Variants in DENND4B observed in about 807,000 individuals in gnomAD.
The protein encoded by DENND4B is DENN domain-containing protein 4B.
A neutral mutation model predicts 161.0 loss-of-function variants in DENND4B; 67 were observed. The observed-to-expected ratio is 0.42, with a 90% confidence interval of 0.34 to 0.51. The LOEUF (loss-of-function observed/expected upper bound fraction) is 0.51, where lower values mean the gene tolerates loss of function less well. DENND4B is among the 20% of genes least tolerant of loss of function. DENND4B has a pLI of 0.08. For missense variants in DENND4B, 1,481 were observed against 1,968.0 expected, an observed-to-expected ratio of 0.75 and a Z score of 4.68; for synonymous variants, 753 against 813.8, an observed-to-expected ratio of 0.93 and a Z score of 1.27.
intron 1 of DENND4B, chr1:153,945,268 G>T (rs1679897299): frequency 2.3e-6 from 2 of 887,864 alleles, no homozygotes; most frequent in African/African-American, 1.8e-5. Context: ...CTTCAGAGGG[G>T]AAGGGAGGTT....
Position 153,941,921 on chromosome 1 carries a change from T to C in DENND4B, c.1003A>G (p.Thr335Ala). Reference sequence around the variant, plus strand: ...GAGACGGAGTAGCGGTAAAGGAAGGTGAGGAAGGCGCGGAAGGCAGGGAAG... The same window carrying C: ...GAGACGGAGTAGCGGTAAAGGAAGGCGAGGAAGGCGCGGAAGGCAGGGAAG... ...PAFPAFRAFL[T>A]FLYRYSVSGP... Residue 335 changes from threonine to alanine, a missense_variant, in exon 6 of 28, where the codon ACC becomes GCC. By Grantham distance (58) the Thr-to-Ala change is moderately conservative. Around this residue, in one of 3 missense-constraint regions of DENND4B, gnomAD observed 806 missense variants for 1,134.4 expected, o/e 0.71. Transcript: ENST00000361217. 6.2e-7 allele frequency: 1 copy of C among 1,611,756 alleles called. No individual in the cohort carries two copies. Among genetic ancestry groups the C allele is most frequent in the Non-Finnish European group, 8.5e-7 (1 of 1,179,704 alleles).
chr1:153,941,785 C>T lies in DENND4B; in HGVS notation c.1055+84G>A. ...CTTACCCTGTGCCCAGCCCTCCCCC[C>T]ACCCACATCTGAATCTCTCCCATCT... On this transcript the variant is annotated intron_variant, in intron 6 of 27. Transcript: ENST00000361217. 9.5e-6 allele frequency: 11 copies of T among 1,156,152 alleles called. 1 individual carries two copies. The highest frequency in any genetic ancestry group is 6.8e-5 in the South Asian group (5 of 73,814). The allele number at this position is 1,156,152 out of a possible 1,614,324, so 71.6% of individuals were successfully genotyped here. A position where few individuals can be genotyped will look rare whatever the true frequency, so the allele number is the denominator to read the frequency against.
At chr1:153,938,822 G>C in intron 13 of DENND4B, 78 bp downstream of exon 13, 1 of 1,498,516 alleles carries the variant, frequency 6.7e-7, no homozygotes, top group Admixed American at 2.0e-5. Context: ...GCCCGATTCC[G>C]TCTAAAATGG....
chr1:153,945,553 GACACACAC>G (rs35616374), intron 1 of DENND4B, among the ~76,000 whole-genome samples: 4 of 149,808 alleles, frequency 2.7e-5, no homozygotes, highest in Admixed American at 1.3e-4. Context: ...CTGGCCTCTG[GACACACAC>G]ACACACACAC....
chr1:153,942,889 T>G lies in DENND4B; in HGVS notation c.559A>C (p.Asn187His). ...HTYCRLPRNL[N>H]PGMWGPAVYL... ...TTGGCCCCACTCACCATGCCAGGGTTGAGGTTGCGGGGCAGCCGGCAGTAA... is the reference window on the plus strand; with the variant it reads ...TTGGCCCCACTCACCATGCCAGGGTGGAGGTTGCGGGGCAGCCGGCAGTAA... Residue 187 changes from asparagine (N) to histidine (H), a missense_variant, in exon 3 of 28, where the codon AAC (asparagine) becomes CAC (histidine). Asn to His is a moderately conservative substitution (Grantham distance 68). Around this residue, in one of 3 missense-constraint regions of DENND4B, gnomAD observed 806 missense variants for 1,134.4 expected, o/e 0.71. Transcript: ENST00000361217. This position sits in a 1 kb window ranked among gnomAD's most constrained non-coding sequence, Gnocchi z 6.9. The G allele has an allele frequency of 1.9e-6, 3 of 1,599,528 alleles. No individual in the cohort carries two copies. Among genetic ancestry groups the G allele is most frequent in the East Asian group, 2.2e-5 (1 of 44,456 alleles).
In DENND4B at chr1:153,940,369, C is replaced by T. The variant is rs1416820522; in HGVS notation, c.1502+62G>A. On this transcript the variant is annotated intron_variant, in intron 10 of 27. Transcript: ENST00000361217. This position sits in a 1 kb window ranked among gnomAD's most constrained non-coding sequence, Gnocchi z 5.6. ...AAGCTCTTTTTGAGCCCGTAGCACT[C>T]CACACACTAGCCCATTCCTGCCCAC... 4.4e-5 allele frequency: 69 copies of T among 1,585,416 alleles called. No individual in the cohort carries two copies. In the Middle Eastern group the frequency reaches 7.8e-4, roughly 18 times the overall value.
chr1:153,941,252 A>G lies in DENND4B; in HGVS notation c.1160T>C (p.Val387Ala), dbSNP rs1679648686. 3 of 1,613,794 alleles carry G rather than the reference A, an allele frequency of 1.9e-6. No homozygotes were observed. Among genetic ancestry groups the G allele is most frequent in the Non-Finnish European group, 2.5e-6 (3 of 1,179,852 alleles). The change falls in exon 8 of 28, where the codon GTA (valine) becomes GCA (alanine). Residue 387 changes from valine to alanine, a missense_variant. Around this residue, in one of 3 missense-constraint regions of DENND4B, gnomAD observed 806 missense variants for 1,134.4 expected, o/e 0.71. Coordinates refer to ENST00000361217, the MANE Select transcript of DENND4B (RefSeq NM_014856.3). ...ATACCTGAGGGGCAGGGGTGAGGAT[A>G]CAGGCTGACAGAGGAGCAAGTTGTC... The part of the protein sequence containing the change: ...PYDNLLLCQP[V>A]SSPLPLSGAS...
rs908142931 is a variant in DENND4B at position 153,930,061 on chromosome 1, T to TC, written c.*235dup. 5 of 585,826 alleles carry TC rather than the reference T, an allele frequency of 8.5e-6. No homozygotes were observed. Among genetic ancestry groups the TC allele is most frequent in the Non-Finnish European group, 1.2e-5 (4 of 334,754 alleles). 36.3% of individuals were successfully genotyped at this position (585,826 alleles called of 1,614,324 possible). A position where few individuals can be genotyped will look rare whatever the true frequency, so the allele number is the denominator to read the frequency against. On this transcript the variant is annotated 3_prime_UTR_variant, in exon 28 of 28. Coordinates refer to ENST00000361217, the MANE Select transcript of DENND4B (RefSeq NM_014856.3). This position sits in a 1 kb window ranked among gnomAD's most constrained non-coding sequence, Gnocchi z 4.7. ...AAGGGAAGAACAGAGCTGTACCAAC[T>TC]CCCCCCAGATCTCCCCCAACATCAG...
rs952224981 is a variant in DENND4B, at chr1:153,944,967, T to C, written c.-23-570A>G. Among the ~76,000 whole-genome samples the C allele has an allele frequency of 5.3e-5, 8 of 152,186 alleles. No individual in the cohort carries two copies. Among genetic ancestry groups the C allele is most frequent in the Non-Finnish European group, 1.2e-4 (8 of 68,028 alleles). ...CAACGAACCCAAGTGTCCTTTCTCC[T>C]AGCTTAACTCCACCAATCTGGCCCA... is the stretch of plus-strand genomic sequence containing the variant. On this transcript the variant is annotated intron_variant, in intron 1 of 27. Transcript: ENST00000361217. This position sits in a 1 kb window ranked among gnomAD's most constrained non-coding sequence, Gnocchi z 4.8.
Position 153,933,968 on chromosome 1 carries a change from G to A in DENND4B, c.2942-97C>T. 6.5e-7 allele frequency: 1 copy of A among 1,529,552 alleles called. No homozygotes were observed. The highest frequency in any genetic ancestry group is 8.8e-7 in the Non-Finnish European group (1 of 1,141,684). The allele number at this position is 1,529,552 out of a possible 1,614,324, so 94.7% of individuals were successfully genotyped here. A position where few individuals can be genotyped will look rare whatever the true frequency, so the allele number is the denominator to read the frequency against. On this transcript the variant is annotated intron_variant, in intron 19 of 27. Transcript: ENST00000361217. The surrounding 1 kb of genome is among the most constrained non-coding windows in gnomAD (Gnocchi z 5.7). ...ACAATTCCTGGCTGCACAAACTCTGGTGCCACCACCCCCACCATGATGATA... is the reference window on the plus strand; with the variant it reads ...ACAATTCCTGGCTGCACAAACTCTGATGCCACCACCCCCACCATGATGATA...
chr1:153,945,962 G>C (rs984215319), intron 1 of DENND4B, among the ~76,000 whole-genome samples: 1 of 152,206 alleles, frequency 6.6e-6, no homozygotes, highest in Non-Finnish European at 1.5e-5. Flanking sequence ...GCGCCGAGGG[G>C]GAGGAGGCTG....
chr1:153,934,922 G>A lies in DENND4B; in HGVS notation c.2611C>T (p.Arg871Cys), dbSNP rs1478939439. Residue 871 changes from arginine to cysteine, a missense_variant, in exon 18 of 28, where the codon CGT becomes TGT. Transcript: ENST00000361217. This position sits in a 1 kb window ranked among gnomAD's most constrained non-coding sequence, Gnocchi z 5.3. ...TTCCGGAGCTTGGCCCAGCGCAGACGCCCACCTGGTGTGCCAGACGGCCAC... is the reference window on the plus strand; with the variant it reads ...TTCCGGAGCTTGGCCCAGCGCAGACACCCACCTGGTGTGCCAGACGGCCAC... Reference protein sequence around the residue: ...SKWPSGTPGGRLRWAKLRNVV... With the variant: ...SKWPSGTPGGCLRWAKLRNVV... The A allele has an allele frequency of 1.2e-5, 19 of 1,613,022 alleles. No individual in the cohort carries two copies. The highest frequency in any genetic ancestry group is 8.9e-5 in the East Asian group (4 of 44,898).
rs982860557 is a variant in DENND4B, at chr1:153,930,026, G to A, written c.*271C>T. ...GTGGGTACCCTGGAGGGGAGTTCCC[G>A]GTATAGGACAAGGGAAGAACAGAGC... On this transcript the variant is annotated 3_prime_UTR_variant, in exon 28 of 28. Coordinates refer to ENST00000361217, the MANE Select transcript of DENND4B (RefSeq NM_014856.3). This position sits in a 1 kb window ranked among gnomAD's most constrained non-coding sequence, Gnocchi z 4.7. The A allele has an allele frequency of 1.9e-5, 9 of 462,720 alleles. No individual in the cohort carries two copies. Among genetic ancestry groups the A allele is most frequent in the South Asian group, 1.3e-4 (4 of 31,738 alleles). The allele number at this position is 462,720 out of a possible 1,614,324, so 28.7% of individuals were successfully genotyped here.
At chr1:153,931,825 C>T (rs1390778513) in intron 24 of DENND4B, among the ~76,000 whole-genome samples, 2 of 146,194 alleles carry the variant, frequency 1.4e-5, no homozygotes, top group Non-Finnish European at 3.0e-5. Flanking sequence ...TTTCTTGAGA[C>T]GGAGTTTTGC....
intron 2 of DENND4B, 132 bp downstream of exon 2, chr1:153,943,926 T>C: frequency 2.0e-6 from 2 of 1,021,722 alleles, no homozygotes; most frequent in Non-Finnish European, 2.7e-6. Context: ...ACTTCAGTCC[T>C]TCCTTCCTGG....
chr1:153,938,146 C>T (rs1048096384), intron 13 of DENND4B, among the ~76,000 whole-genome samples: 31 of 152,224 alleles, frequency 2.0e-4, no homozygotes, highest in African/African-American at 7.5e-4. Flanking sequence ...CAGTGGCTCA[C>T]GCCTGTAATC....
chr1:153,939,551 C>T (rs779197407), intron 12 of DENND4B, 38 bp downstream of exon 12: 2 of 1,565,922 alleles, frequency 1.3e-6, no homozygotes. Context: ...CCACCTCCTC[C>T]CATGATACAT....
In DENND4B at chr1:153,932,291, G is replaced by T. The variant is rs1308378793; in HGVS notation, c.3909C>A (p.Asn1303Lys). Residue 1303 changes from asparagine (N) to lysine (K), a missense_variant, in exon 24 of 28, where the codon AAC becomes AAA. Asn to Lys is a moderately conservative substitution (Grantham distance 94). Coordinates refer to ENST00000361217, the MANE Select transcript of DENND4B (RefSeq NM_014856.3). The surrounding 1 kb of genome is among the most constrained non-coding windows in gnomAD (Gnocchi z 5.8). ...LPSAHPIIFW[N>K]LLWYFQRLRL... ...GTAGCCGTTGGAAATACCACAAAAG[G>T]TTCCAGAAGATGATGGGGTGGGCAG... is the stretch of plus-strand genomic sequence containing the variant. 6.2e-7 allele frequency: 1 copy of T among 1,614,008 alleles called. No individual in the cohort carries two copies. The highest frequency in any genetic ancestry group is 1.1e-5 in the South Asian group (1 of 91,082).
At chr1:153,941,773 C>CGGGG in intron 6 of DENND4B, 96 bp downstream of exon 6, 10 of 1,426,296 alleles carry the variant, frequency 7.0e-6, no homozygotes, top group African/African-American at 1.4e-5. Context: ...ACCCTGTGCC[C>CGGGG]AGCCCTCCCC....
Sources: gnomAD v4.1 joint callset for allele counts (sites outside exome capture counted in the v4.1 genomes callset) on GRCh38, gnomAD v4.1.1 for gene constraint, gnomAD v4.1.1 regional missense constraint, Gnocchi (gnomAD v3.1) non-coding constraint, MANE v1.5 for transcripts, NCBI Gene and HGNC (gene_info 2026-07-23, HGNC 2026-07-21) for gene names.